TRIM36: variants seen among roughly 807,000 people sequenced by gnomAD.
TRIM36 encodes the protein E3 ubiquitin-protein ligase TRIM36.
Under a neutral mutation model 72.4 loss-of-function variants are expected in TRIM36, and 42 were observed. That is an observed-to-expected ratio of 0.58 (90% confidence interval 0.45 to 0.75). The LOEUF is 0.75. Among genes scored for constraint, TRIM36 ranks in the 30% least tolerant of loss-of-function variants. The pLI, the probability that TRIM36 is intolerant of heterozygous loss-of-function variation, is 0.00. For missense variants in TRIM36, 913 were observed against 857.1 expected (o/e 1.07, Z -0.81); for synonymous variants, 315 against 282.8 (o/e 1.11, Z -1.14).
intron 4 of TRIM36, among the ~76,000 whole-genome samples, chr5:115,141,942 A>T (rs530012716): frequency 6.6e-6 from 1 of 152,282 alleles, no homozygotes; most frequent in Non-Finnish European, 1.5e-5. Context: ...TGTAAGGAAG[A>T]CCTTTTTAAA....
chr5:115,137,689 T>C (rs746387705), intron 5 of TRIM36, 73 bp from the exon 6 acceptor site: 52 of 1,458,844 alleles, frequency 3.6e-5, no homozygotes, highest in Middle Eastern at 2.6e-4. Flanking sequence ...CCCAAATGGC[T>C]TTCCACAAAG....
intron 7 of TRIM36, among the ~76,000 whole-genome samples, chr5:115,134,619 C>T (rs183671107): frequency 3.2e-4 from 49 of 152,172 alleles, no homozygotes; most frequent in African/African-American, 9.9e-4. Flanking sequence ...CAGCTCACTC[C>T]AACCTCTGTC....
Position 115,152,262 on chromosome 5 carries a change from A to C in TRIM36, c.263-4868T>G, listed in dbSNP as rs141150491. Among the ~76,000 whole-genome samples the C allele has an allele frequency of 3.0e-3, 456 of 152,330 alleles. 3 individuals carry two copies. The highest frequency in any genetic ancestry group is 0.011 in the African/African-American group (437 of 41,594). On this transcript the variant is annotated intron_variant, in intron 2 of 9. Coordinates refer to ENST00000513154, the MANE Select transcript of TRIM36 (RefSeq NM_001300759.2). ...TTAGTAACAGAATTGAACAAGTAGA[A>C]GAAAGAAATTCAGAGCTCGAAGACA... is the stretch of plus-strand genomic sequence containing the variant.
Position 115,178,012 on chromosome 5 carries a change from C to T in TRIM36, c.63+1963G>A, listed in dbSNP as rs1755424103. On this transcript the variant is annotated intron_variant, in intron 1 of 9. Coordinates refer to the TRIM36 transcript ENST00000282369. ...TCTGAGAGGGTTTTGTTTTTGTTTA[C>T]CTGACTTGATTATAAGGAGTTTTAA... 3 of 855,832 alleles carry T rather than the reference C, an allele frequency of 3.5e-6. No homozygotes were observed. The South Asian group carries it at 5.1e-5, about 15-fold the overall frequency. The allele number at this position is 855,832 out of a possible 1,614,324, so 53.0% of individuals were successfully genotyped here. A position where few individuals can be genotyped will look rare whatever the true frequency, so the allele number is the denominator to read the frequency against.
At chr5:115,174,818 T>A (rs1755264132), upstream of TRIM36, among the ~76,000 whole-genome samples, 1 of 152,210 alleles carries the variant, frequency 6.6e-6, no homozygotes, top group African/African-American at 2.4e-5. Context: ...CTAGTAAGCA[T>A]TTATCTACTA....
Position 115,124,793 on chromosome 5 carries a change from A to G in TRIM36, c.*1710T>C, listed in dbSNP as rs1465907580. The G allele has an allele frequency of 1.3e-5, 2 of 152,466 alleles. No homozygotes were observed. Among genetic ancestry groups the G allele is most frequent in the African/African-American group, 4.8e-5 (2 of 41,460 alleles). The allele number at this position is 152,466 out of a possible 1,614,324, so 9.4% of individuals were successfully genotyped here. ...TTAATTTTTTATTAAAAATGAAAGAAACACAGCTAAACAATTTATTTACAA... is the reference window on the plus strand; with the variant it reads ...TTAATTTTTTATTAAAAATGAAAGAGACACAGCTAAACAATTTATTTACAA... On this transcript the variant is annotated 3_prime_UTR_variant, in exon 10 of 10. Transcript: ENST00000513154.
At chr5:115,131,104 A>G (rs539573331) in intron 8 of TRIM36, among the ~76,000 whole-genome samples, 10 of 152,310 alleles carry the variant, frequency 6.6e-5, no homozygotes, top group African/African-American at 9.6e-5. Context: ...AATCTCATAA[A>G]GCAGATGTAA....
At chr5:115,133,461 A>C (rs1452351129) in intron 8 of TRIM36, among the ~76,000 whole-genome samples, 2 of 152,190 alleles carry the variant, frequency 1.3e-5, no homozygotes, top group Non-Finnish European at 2.9e-5. Flanking sequence ...GTTAAATCAA[A>C]ATTATATTTT....
chr5:115,132,550 G>GAA (rs11290682), intron 8 of TRIM36, among the ~76,000 whole-genome samples: 3 of 110,858 alleles, frequency 2.7e-5, no homozygotes, highest in African/African-American at 3.8e-5. Context: ...CCTCCAAAAA[G>GAA]AAAAAAAAAA....
At chr5:115,177,427 C>G in intron 1 of TRIM36, 1 of 875,710 alleles carries the variant, frequency 1.1e-6, no homozygotes, top group Non-Finnish European at 1.4e-6. Context: ...CCTCTACTCT[C>G]TTAACTCTCA....
intron 1 of TRIM36, chr5:115,177,751 T>A: frequency 6.2e-7 from 1 of 1,614,130 alleles, no homozygotes; most frequent in Non-Finnish European, 8.5e-7. Flanking sequence ...GGAATTGTCC[T>A]AAGTTCTTCT....
At chr5:115,139,057 G>C (rs1378924477) in intron 5 of TRIM36, among the ~76,000 whole-genome samples, 3 of 151,992 alleles carry the variant, frequency 2.0e-5, no homozygotes, top group Non-Finnish European at 4.4e-5. Context: ...CTGACCTCAT[G>C]ATCTGCCTGC....
chr5:115,146,170 C>T (rs548726710), intron 3 of TRIM36, among the ~76,000 whole-genome samples: 2 of 152,220 alleles, frequency 1.3e-5, no homozygotes, highest in East Asian at 1.9e-4. Context: ...GAATCTACTA[C>T]CAGACTGACA....
chr5:115,130,767 GGA>G lies in TRIM36; in HGVS notation c.1619_1620del (p.Ile540ThrfsTer42). 2 of 1,614,062 alleles carry G rather than the reference GGA, an allele frequency of 1.2e-6. No homozygotes were observed. Among genetic ancestry groups the G allele is most frequent in the Non-Finnish European group, 1.7e-6 (2 of 1,180,026 alleles). ...TCTAAGCTTGTGTAATAACCCACTTGGATGCGTTCTGCAGCAAGCAGAAGATT... is the reference window on the plus strand; with the variant it reads ...TCTAAGCTTGTGTAATAACCCACTTGTGCGTTCTGCAGCAAGCAGAAGATT... ...GFNLLLAAER[I>X]QVGYYTSLDY... On this transcript the variant is annotated frameshift_variant, in exon 9 of 10. Transcript: ENST00000513154. LOFTEE classifies it high-confidence loss of function.
At chr5:115,134,403 T>C (rs1752854847) in intron 7 of TRIM36, among the ~76,000 whole-genome samples, 1 of 151,990 alleles carries the variant, frequency 6.6e-6, no homozygotes, top group Non-Finnish European at 1.5e-5. Flanking sequence ...AAGCCACAAG[T>C]AAATTTTTTT....
At chr5:115,164,801 A>C (rs1310575131) in intron 1 of TRIM36, among the ~76,000 whole-genome samples, 2 of 152,240 alleles carry the variant, frequency 1.3e-5, no homozygotes, top group Non-Finnish European at 2.9e-5. Flanking sequence ...TTAGCTCAAA[A>C]GTCCAAGTCC....
At chr5:115,142,211 A>G (rs950320777) in intron 4 of TRIM36, among the ~76,000 whole-genome samples, 1 of 152,128 alleles carries the variant, frequency 6.6e-6, no homozygotes, top group East Asian at 1.9e-4. Flanking sequence ...ACTTGAAACG[A>G]AAAGGGTGCT....
intron 2 of TRIM36, among the ~76,000 whole-genome samples, chr5:115,162,077 C>A (rs942452142): frequency 6.6e-6 from 1 of 152,174 alleles, no homozygotes; most frequent in African/African-American, 2.4e-5. Context: ...TGACCTGGAA[C>A]CTCTGCTAGA....
At chr5:115,155,653 A>G (rs1056607479) in intron 2 of TRIM36, among the ~76,000 whole-genome samples, 1 of 152,212 alleles carries the variant, frequency 6.6e-6, no homozygotes, top group Admixed American at 6.5e-5. Flanking sequence ...TCAGCATACA[A>G]GGAACATACC....
Sources: gnomAD v4.1 joint callset for allele counts (sites outside exome capture counted in the v4.1 genomes callset) on GRCh38, gnomAD v4.1.1 for gene constraint, MANE v1.5 for transcripts, NCBI Gene and HGNC (gene_info 2026-07-23, HGNC 2026-07-21) for gene names.